The following ANO3 variants were observed in gnomAD, a reference collection of about 807,000 sequenced individuals.
ANO3 encodes the protein anoctamin-3.
Under a neutral mutation model 144.8 loss-of-function variants are expected in ANO3, and 99 were observed. That is an observed-to-expected ratio of 0.68 (90% CI 0.58 to 0.81). The LOEUF (loss-of-function observed/expected upper bound fraction) is 0.81, where lower values mean the gene tolerates loss of function less well. Ranked by LOEUF, ANO3 falls within the 30% of genes least tolerant of loss-of-function variation. ANO3 has a pLI of 0.00. For missense variants in ANO3, 905 were observed against 1,202.2 expected (o/e 0.75, Z 3.66); for synonymous variants, 414 against 392.6 (o/e 1.05, Z -0.64).
At chr11:26,214,540 C>A (rs1851999708) in intron 1 of ANO3, among the ~76,000 whole-genome samples, 1 of 151,928 alleles carries the variant, frequency 6.6e-6, no homozygotes, top group African/African-American at 2.4e-5. Context: ...GACTTCCCTT[C>A]ATAGTTTGTC....
At chr11:26,438,900 AAAAGT>A (rs1029323192) in intron 1 of ANO3, among the ~76,000 whole-genome samples, 13 of 152,344 alleles carry the variant, frequency 8.5e-5, no homozygotes, top group African/African-American at 2.9e-4. Context: ...AAGAGAGAAC[AAAAGT>A]AAAGAACTCA....
intron 4 of ANO3, among the ~76,000 whole-genome samples, chr11:26,483,262 G>A (rs1043764299): frequency 6.6e-5 from 10 of 151,724 alleles, no homozygotes; most frequent in Non-Finnish European, 1.2e-4. Flanking sequence ...CTTAATATTA[G>A]TCATTATGAC....
In ANO3 at chr11:26,235,002, A is replaced by AAGAGAGAG. The variant is rs10694750; in HGVS notation, c.154+45688_154+45695dup. The stretch of plus-strand genomic sequence containing the variant: ...GTTAGACAGAGAGAGAGAGAAAAGA[A>AAGAGAGAG]AGAGAGAGAGAGAGAGAGAGAGATG... On this transcript the variant is annotated intron_variant, in intron 1 of 27. Coordinates refer to the ANO3 transcript ENST00000672621. Among the ~76,000 whole-genome samples the AAGAGAGAG allele has an allele frequency of 5.3e-4, 74 of 140,260 alleles. 2 individuals carry two copies. The East Asian group carries it at 6.3e-3, about 12-fold the overall frequency. The allele number at this position is 140,260 out of a possible 152,430, so 92.0% of individuals were successfully genotyped here. A position where few individuals can be genotyped will look rare whatever the true frequency, so the allele number is the denominator to read the frequency against.
intron 1 of ANO3, among the ~76,000 whole-genome samples, chr11:26,275,223 A>G (rs531356828): frequency 1.4e-3 from 214 of 152,240 alleles, no homozygotes; most frequent in African/African-American, 4.9e-3. Context: ...ATTTAGATTC[A>G]TGCTGCTAAA....
In ANO3 at chr11:26,599,766, G is replaced by T. The variant is rs1033119669; in HGVS notation, c.1836+52G>T. On this transcript the variant is annotated intron_variant, in intron 17 of 26. Coordinates refer to ENST00000256737, the MANE Select transcript of ANO3 (RefSeq NM_031418.4). Reference sequence around the variant, plus strand: ...GTAGACAAAAAAGGGGTGGAAAGGGGAGAGGTCTATGTTTCCTTTATATTT... The same window carrying T: ...GTAGACAAAAAAGGGGTGGAAAGGGTAGAGGTCTATGTTTCCTTTATATTT... 21 of 1,523,396 alleles carry T rather than the reference G, an allele frequency of 1.4e-5. No homozygotes were observed. In the Admixed American group the frequency reaches 2.7e-4, roughly 19 times the overall value. 94.4% of individuals were successfully genotyped at this position (1,523,396 alleles called of 1,614,324 possible). A position where few individuals can be genotyped will look rare whatever the true frequency, so the allele number is the denominator to read the frequency against.
chr11:26,564,390 T>C (rs540030617), intron 14 of ANO3, among the ~76,000 whole-genome samples: 1 of 150,680 alleles, frequency 6.6e-6, no homozygotes, highest in Admixed American at 6.7e-5. Flanking sequence ...AATCCTTAAG[T>C]AAACCACACT....
chr11:26,552,510 G>A (rs190637229), intron 12 of ANO3, among the ~76,000 whole-genome samples: 13 of 152,026 alleles, frequency 8.6e-5, no homozygotes, highest in Non-Finnish European at 1.3e-4. Context: ...GGCACAAAGC[G>A]TCCTGCAAAT....
At chr11:26,285,960 G>A (rs1853797227) in intron 1 of ANO3, 1 of 152,050 alleles carries the variant, frequency 6.6e-6, no homozygotes, top group Non-Finnish European at 1.5e-5. Flanking sequence ...CCTTTCCCCG[G>A]GGATCTTACA....
chr11:26,546,496 A>T (rs1463944914), intron 11 of ANO3, among the ~76,000 whole-genome samples: 2 of 151,948 alleles, frequency 1.3e-5, no homozygotes, highest in Non-Finnish European at 2.9e-5. Context: ...GCCCAAACGA[A>T]CTTTAAAGTG....
chr11:26,210,242 A>AATCC (rs2133781330), intron 1 of ANO3, among the ~76,000 whole-genome samples: 1 of 152,296 alleles, frequency 6.6e-6, no homozygotes, highest in East Asian at 1.9e-4. Context: ...TTAAATAAGG[A>AATCC]ATCCTTCCCA....
At chr11:26,467,571 T>C (rs766332181) in intron 4 of ANO3, among the ~76,000 whole-genome samples, 1 of 151,946 alleles carries the variant, frequency 6.6e-6, no homozygotes, top group Non-Finnish European at 1.5e-5. Context: ...TTTAGCATAA[T>C]GACCTCCAGT....
chr11:26,532,871 T>C (rs552588812), intron 8 of ANO3, among the ~76,000 whole-genome samples: 1 of 152,340 alleles, frequency 6.6e-6, no homozygotes, highest in Non-Finnish European at 1.5e-5. Flanking sequence ...AGAAATTATC[T>C]GAAATTATGT....
upstream of ANO3, chr11:26,332,030 G>A (rs552093768): frequency 9.0e-6 from 11 of 1,217,950 alleles, 1 homozygote; most frequent in South Asian, 1.3e-4. Context: ...TGGACGCGCG[G>A]GGGATGCGGG....
intron 1 of ANO3, among the ~76,000 whole-genome samples, chr11:26,285,044 T>C (rs1853771540): frequency 6.6e-6 from 1 of 152,236 alleles, no homozygotes; most frequent in South Asian, 2.1e-4. Context: ...CGCCTTTACT[T>C]CAGAATTTCC....
At chr11:26,488,439 C>T (rs111978691) in intron 4 of ANO3, among the ~76,000 whole-genome samples, 3,659 of 152,122 alleles carry the variant, frequency 0.024, 67 homozygotes, top group Middle Eastern at 0.061. Flanking sequence ...TTCTTGGTCT[C>T]GCTGACTTCA....
At chr11:26,550,804 A>C (rs1298726589) in intron 12 of ANO3, among the ~76,000 whole-genome samples, 1 of 151,912 alleles carries the variant, frequency 6.6e-6, no homozygotes, top group Non-Finnish European at 1.5e-5. Context: ...GGATTGCTGA[A>C]TCATATGGTA....
chr11:26,327,535 C>T (rs1032145458), upstream of ANO3, among the ~76,000 whole-genome samples: 3 of 151,924 alleles, frequency 2.0e-5, no homozygotes, highest in African/African-American at 4.8e-5. Context: ...CAAAAGCAGA[C>T]CAATAAGGAA....
intron 5 of ANO3, among the ~76,000 whole-genome samples, chr11:26,514,748 A>G (rs1477736288): frequency 6.6e-6 from 1 of 152,108 alleles, no homozygotes; most frequent in Non-Finnish European, 1.5e-5. Flanking sequence ...AGCATAAAGC[A>G]GGAAAATGTA....
At chr11:26,349,142 C>G (rs747260276) in intron 1 of ANO3, among the ~76,000 whole-genome samples, 3 of 152,154 alleles carry the variant, frequency 2.0e-5, no homozygotes, top group African/African-American at 4.8e-5. Flanking sequence ...GACTTACACA[C>G]TAGTAATTGA....
Sources: gnomAD v4.1 joint callset for allele counts (sites outside exome capture counted in the v4.1 genomes callset) on GRCh38, gnomAD v4.1.1 for gene constraint, MANE v1.5 for transcripts, NCBI Gene and HGNC (gene_info 2026-07-23, HGNC 2026-07-21) for gene names.